FLT4: variants seen among roughly 807,000 people sequenced by gnomAD.
The protein encoded by FLT4 is fms related receptor tyrosine kinase 4.
FLT4 carries 30 observed loss-of-function variants against 163.2 expected under a neutral mutation model. The observed-to-expected ratio is 0.18, with a 90% CI of 0.14 to 0.25. The LOEUF (loss-of-function observed/expected upper bound fraction) is 0.25. Among genes scored for constraint, FLT4 ranks in the 10% least tolerant of loss-of-function variants. FLT4 has a pLI of 1.00. For synonymous variants in FLT4, 884 were observed against 789.5 expected, an observed-to-expected ratio of 1.12 and a Z score of -2.01; for missense variants, 1,510 against 1,863.8, an observed-to-expected ratio of 0.81 and a Z score of 3.50.
chr5:180,641,552 G>C (rs1765101228), intron 1 of FLT4, among the ~76,000 whole-genome samples: 1 of 152,138 alleles, frequency 6.6e-6, no homozygotes, highest in African/African-American at 2.4e-5. Context: ...GGGAGCAACG[G>C]AGCTGCTGGC....
chr5:180,631,439 C>T (rs1764148161), intron 2 of FLT4, among the ~76,000 whole-genome samples: 2 of 151,958 alleles, frequency 1.3e-5, no homozygotes, highest in Admixed American at 1.3e-4. Flanking sequence ...CACCACTGCA[C>T]TCCAGCCTGG....
chr5:180,617,149 T>G (rs955991303), intron 21 of FLT4, among the ~76,000 whole-genome samples, 155 bp from the exon 22 acceptor site: 3 of 145,638 alleles, frequency 2.1e-5, no homozygotes, highest in Non-Finnish European at 3.0e-5. Context: ...CTCCTGCCCC[T>G]CAGCCTCTGG....
intron 29 of FLT4, chr5:180,608,139 C>T: frequency 1.4e-6 from 1 of 700,458 alleles, no homozygotes; most frequent in Non-Finnish European, 2.6e-6. Flanking sequence ...CTTTCATGCT[C>T]CTCTTGTCCT....
At position 180,629,986 on chromosome 5, in the gene FLT4, T is replaced by C. The variant is rs34117331; in HGVS notation, c.633A>G (p.Gly211=). The change falls in exon 5 of 30, where the codon GGA becomes GGG. Residue 211 remains glycine, a synonymous_variant. Transcript: ENST00000261937. ...ALYLQCETTW[G]DQDFLSNPFL... ...AGGGGTTGGAAAGGAAGTCCTGGTC[T>C]CCCCAGGTGGTCTCGCACTGCAGGT... 9,217 of 1,612,830 alleles carry C rather than the reference T, an allele frequency of 5.7e-3. 295 individuals carry two copies. The African/African-American group carries it at 0.075, about 13-fold the overall frequency.
intron 8 of FLT4, among the ~76,000 whole-genome samples, chr5:180,627,796 CA>C (rs1763753364): frequency 6.6e-6 from 1 of 152,184 alleles, no homozygotes; most frequent in Non-Finnish European, 1.5e-5. Context: ...GGACAGGGCC[CA>C]GGGGTCTCCA....
intron 1 of FLT4, among the ~76,000 whole-genome samples, chr5:180,642,012 T>C (rs4700967): frequency 0.016 from 2,374 of 152,090 alleles, 32 homozygotes; most frequent in Non-Finnish European, 0.023. Context: ...ATTGAGACCA[T>C]CCTGGCCAAC....
chr5:180,636,261 T>G lies in FLT4; in HGVS notation c.59-4483A>C, dbSNP rs1252130158. ...CCCTCTGCCTTTACCAACCTTCCAC[T>G]GTGCCCTGTGTGATCGGCAAACTTT... On this transcript the variant is annotated intron_variant, in intron 1 of 29. Coordinates refer to ENST00000261937, the MANE Select transcript of FLT4 (RefSeq NM_182925.5). The surrounding 1 kb of genome is among the most constrained non-coding windows in gnomAD (Gnocchi z 4.3). Among the ~76,000 whole-genome samples the G allele has an allele frequency of 1.3e-5, 2 of 152,128 alleles. No individual in the cohort carries two copies. The highest frequency in any genetic ancestry group is 2.9e-5 in the Non-Finnish European group (2 of 67,998).
intron 1 of FLT4, among the ~76,000 whole-genome samples, chr5:180,637,749 C>G (rs113541957): frequency 1.3e-3 from 198 of 152,284 alleles, no homozygotes; most frequent in African/African-American, 4.1e-3. Context: ...AGGCTAGTCT[C>G]GAACTCCTGA....
Position 180,620,847 on chromosome 5 carries a change from G to A in FLT4, c.2299+29C>T, listed in dbSNP as rs377429136. 7.1e-5 allele frequency: 114 copies of A among 1,609,726 alleles called. No individual in the cohort carries two copies. Among genetic ancestry groups the A allele is most frequent in the Non-Finnish European group, 9.2e-5 (108 of 1,178,922 alleles). ...AAAGCGTTAACTGGGGACGGGAAGG[G>A]AGTTGAGGGGTGCAGCCTGAGGCCA... On this transcript the variant is annotated intron_variant, in intron 15 of 29. Coordinates refer to ENST00000261937, the MANE Select transcript of FLT4 (RefSeq NM_182925.5). This position sits in a 1 kb window ranked among gnomAD's most constrained non-coding sequence, Gnocchi z 4.4.
At position 180,615,678 on chromosome 5, in the gene FLT4, G is replaced by GC. The variant is rs765104431; in HGVS notation, c.3219+688dup. On this transcript the variant is annotated intron_variant, in intron 23 of 29. Transcript: ENST00000261937. Reference sequence around the variant, plus strand: ...TCTCCACTTCCTTTCGGAGCACTGGGCCTGCCGGTCACCTCCCTTCTCCAC... The same window carrying GC: ...TCTCCACTTCCTTTCGGAGCACTGGGCCCTGCCGGTCACCTCCCTTCTCCAC... 4.6e-3 allele frequency among the ~76,000 whole-genome samples: 116 copies of GC among 25,352 alleles called. 6 individuals carry two copies. The highest frequency in any genetic ancestry group is 7.0e-3 in the East Asian group (7 of 1,002). 16.6% of individuals were successfully genotyped at this position (25,352 alleles called of 152,430 possible).
Position 180,625,958 on chromosome 5 carries a change from G to A in FLT4, c.1332C>T (p.Thr444=), listed in dbSNP as rs2127826992. 1.2e-6 allele frequency: 2 copies of A among 1,612,846 alleles called. No individual in the cohort carries two copies. The highest frequency in any genetic ancestry group is 1.7e-6 in the Non-Finnish European group (2 of 1,179,970). Residue 444 remains threonine, a synonymous_variant, in exon 10 of 30, where the codon ACC becomes ACT. Coordinates refer to ENST00000261937, the MANE Select transcript of FLT4 (RefSeq NM_182925.5). The stretch of plus-strand genomic sequence containing the variant: ...GCAGGGGCACCCCGTAGGCCGTGCA[G>A]GTGAGGGCCTGGCGGCTGTGACGCG... ...IYSRHSRQAL[T]CTAYGVPLPL...
At chr5:180,648,891 G>C (rs943643218) in intron 1 of FLT4, among the ~76,000 whole-genome samples, 1 of 152,200 alleles carries the variant, frequency 6.6e-6, no homozygotes, top group African/African-American at 2.4e-5. Context: ...GCCTCCTCAA[G>C]ATTCGTCTCA....
rs1761531046 is a variant in FLT4 at position 180,601,805 on chromosome 5, T to C, written c.*1387A>G. 4.3e-6 allele frequency: 1 copy of C among 233,050 alleles called. No homozygotes were observed. The allele number at this position is 233,050 out of a possible 1,614,324, so 14.4% of individuals were successfully genotyped here. ...GATGACCTTATACGTGCACTCGGCATATCCTGGAGTAACGCGCAGTGGGGG... is the reference window on the plus strand; with the variant it reads ...GATGACCTTATACGTGCACTCGGCACATCCTGGAGTAACGCGCAGTGGGGG... On this transcript the variant is annotated 3_prime_UTR_variant, in exon 30 of 30. Coordinates refer to ENST00000261937, the MANE Select transcript of FLT4 (RefSeq NM_182925.5).
intron 13 of FLT4, 24 bp downstream of exon 13, chr5:180,621,518 C>T (rs752722140): frequency 4.7e-5 from 76 of 1,609,526 alleles, no homozygotes; most frequent in Non-Finnish European, 6.3e-5. Context: ...AGCGCGTCCC[C>T]GCCCTCCCCG....
chr5:180,610,872 A>G (rs1443749369), intron 27 of FLT4, among the ~76,000 whole-genome samples: 1 of 152,178 alleles, frequency 6.6e-6, no homozygotes, highest in African/African-American at 2.4e-5. Flanking sequence ...CCTGGCTAAC[A>G]CGGTGAAACC....
rs56119641 is a variant in FLT4 at position 180,611,627 on chromosome 5, G to A, written c.3538-148C>T. On this transcript the variant is annotated intron_variant, in intron 26 of 29. Transcript: ENST00000261937. ...GCACTCAGCTCTCGCCCCCGCCCTC[G>A]CCCTGCCCTCAGCCCTCGCTCTGCC... is the stretch of plus-strand genomic sequence containing the variant. 135 of 821,900 alleles carry A rather than the reference G, an allele frequency of 1.6e-4. 1 individual carries two copies. The African/African-American group carries it at 2.0e-3, about 12-fold the overall frequency. 50.9% of individuals were successfully genotyped at this position (821,900 alleles called of 1,614,324 possible).
rs890840248 is a variant in FLT4 at position 180,639,006 on chromosome 5, G to T, written c.59-7228C>A. On this transcript the variant is annotated intron_variant, in intron 1 of 29. Transcript: ENST00000261937. ...GAATGAAAAAAATGGAGGGATGGAA[G>T]AAGTATGGATGGATGGGTGGGTGGG... 5.0e-5 allele frequency among the ~76,000 whole-genome samples: 7 copies of T among 139,842 alleles called. No individual in the cohort carries two copies. In the East Asian group the frequency reaches 1.5e-3, roughly 30 times the overall value. The allele number at this position is 139,842 out of a possible 152,430, so 91.7% of individuals were successfully genotyped here. A position where few individuals can be genotyped will look rare whatever the true frequency, so the allele number is the denominator to read the frequency against.
Position 180,620,542 on chromosome 5 carries a change from T to C in FLT4, c.2406+67A>G. The C allele has an allele frequency of 1.5e-6, 2 of 1,349,398 alleles. No homozygotes were observed. The highest frequency in any genetic ancestry group is 2.3e-5 in the East Asian group (1 of 42,968). The allele number at this position is 1,349,398 out of a possible 1,614,324, so 83.6% of individuals were successfully genotyped here. On this transcript the variant is annotated intron_variant, in intron 16 of 29. Coordinates refer to ENST00000261937, the MANE Select transcript of FLT4 (RefSeq NM_182925.5). The surrounding 1 kb of genome is among the most constrained non-coding windows in gnomAD (Gnocchi z 4.4). ...ACTAGGGCGGGCACCTTATTCTTTA[T>C]CTTAGGGGCGGCCAGGGTGGGGAAG...
rs1764722780 is a variant in FLT4, at chr5:180,636,795, A to C, written c.59-5017T>G. ...TGATCCACATCCTTCAGCCTCATCA[A>C]AGCCCCCACTGCTTCCTCCCCACCC... On this transcript the variant is annotated intron_variant, in intron 1 of 29. Coordinates refer to ENST00000261937, the MANE Select transcript of FLT4 (RefSeq NM_182925.5). This position sits in a 1 kb window ranked among gnomAD's most constrained non-coding sequence, Gnocchi z 4.3. 6.6e-6 allele frequency among the ~76,000 whole-genome samples: 1 copy of C among 151,740 alleles called. No homozygotes were observed. Among genetic ancestry groups the C allele is most frequent in the African/African-American group, 2.4e-5 (1 of 41,296 alleles).
Sources: allele counts gnomAD v4.1 joint callset (sites outside exome capture counted in the v4.1 genomes callset), GRCh38; gene constraint gnomAD v4.1.1; non-coding constraint Gnocchi (gnomAD v3.1); transcripts MANE v1.5; gene names NCBI Gene and HGNC (gene_info 2026-07-23, HGNC 2026-07-21).